The following CTNND2 variants were observed in gnomAD, a reference collection of about 807,000 sequenced individuals.
The protein encoded by CTNND2 is catenin delta-2.
CTNND2 carries 22 observed loss-of-function variants against 144.4 expected under a neutral mutation model. The ratio of observed to expected loss-of-function variants is 0.15; its 90% CI spans 0.11 to 0.22. The LOEUF is 0.22. Ranked by LOEUF, CTNND2 falls within the 10% of genes least tolerant of loss-of-function variation. The probability of loss-of-function intolerance (pLI) is 1.00; values close to 1 mark genes in which losing one functional copy is unlikely to be tolerated. For missense variants in CTNND2, 1,353 were observed against 1,618.8 expected, an observed-to-expected ratio of 0.84 and a Z score of 2.82; for synonymous variants, 751 against 695.6, an observed-to-expected ratio of 1.08 and a Z score of -1.25.
chr5:11,359,788 G>A (rs759309298), intron 8 of CTNND2, among the ~76,000 whole-genome samples: 7 of 152,202 alleles, frequency 4.6e-5, no homozygotes, highest in South Asian at 2.1e-4. Flanking sequence ...GCTGGCAGAC[G>A]TAGGTCTGGG....
At chr5:11,221,164 A>G (rs559178414) in intron 10 of CTNND2, among the ~76,000 whole-genome samples, 3 of 152,196 alleles carry the variant, frequency 2.0e-5, no homozygotes, top group African/African-American at 7.2e-5. Flanking sequence ...TGAAACATTT[A>G]AAAAATATTT....
intron 11 of CTNND2, among the ~76,000 whole-genome samples, chr5:11,189,230 C>T (rs1735998377): frequency 6.6e-6 from 1 of 152,176 alleles, no homozygotes; most frequent in South Asian, 2.1e-4. Context: ...GTGCCATGAT[C>T]TTGACCATTA....
At chr5:11,071,660 G>T (rs77711675) in intron 16 of CTNND2, among the ~76,000 whole-genome samples, 2 of 151,998 alleles carry the variant, frequency 1.3e-5, no homozygotes, top group Admixed American at 6.5e-5. Flanking sequence ...ACCTTGCAAA[G>T]GTAAGCGTGG....
At chr5:11,552,174 C>A (rs1188221995) in intron 3 of CTNND2, among the ~76,000 whole-genome samples, 2 of 152,192 alleles carry the variant, frequency 1.3e-5, no homozygotes, top group African/African-American at 4.8e-5. Flanking sequence ...GGGAATACTA[C>A]ATAAGCATAT....
chr5:11,367,481 A>G (rs997969768), intron 7 of CTNND2, among the ~76,000 whole-genome samples: 2 of 152,224 alleles, frequency 1.3e-5, no homozygotes. Context: ...TAGATGGTGT[A>G]TATATTTGCT....
chr5:11,285,760 T>A (rs1561152984), intron 9 of CTNND2, among the ~76,000 whole-genome samples: 1 of 139,246 alleles, frequency 7.2e-6, no homozygotes, highest in South Asian at 2.3e-4. Context: ...CTTTAGCTCC[T>A]ATAAGCCCAG....
intron 2 of CTNND2, among the ~76,000 whole-genome samples, chr5:11,680,786 T>A (rs1317420141): frequency 6.6e-6 from 1 of 152,056 alleles, no homozygotes; most frequent in East Asian, 1.9e-4. Flanking sequence ...AGACATGTCA[T>A]GGACAACAAA....
chr5:11,401,935 T>C (rs897492129), intron 5 of CTNND2, among the ~76,000 whole-genome samples: 1 of 152,240 alleles, frequency 6.6e-6, no homozygotes, highest in Non-Finnish European at 1.5e-5. Flanking sequence ...GTTATTATTA[T>C]CTGATTATCT....
chr5:11,175,402 G>A (rs1453267713), intron 11 of CTNND2, among the ~76,000 whole-genome samples: 1 of 152,098 alleles, frequency 6.6e-6, no homozygotes, highest in Non-Finnish European at 1.5e-5. Flanking sequence ...ACAAGCTCTT[G>A]TTTATCGCTC....
chr5:11,019,825 C>G (rs770155908), intron 17 of CTNND2, among the ~76,000 whole-genome samples: 1 of 152,110 alleles, frequency 6.6e-6, no homozygotes, highest in Non-Finnish European at 1.5e-5. Flanking sequence ...AATATAGTGA[C>G]ACATTCAACA....
intron 3 of CTNND2, among the ~76,000 whole-genome samples, chr5:11,526,635 A>C (rs142658343): frequency 6.6e-6 from 1 of 152,304 alleles, no homozygotes. Flanking sequence ...ATTAACACTT[A>C]ATCCTCAGAA....
chr5:11,289,438 C>T (rs1748086729), intron 9 of CTNND2, among the ~76,000 whole-genome samples: 1 of 152,114 alleles, frequency 6.6e-6, no homozygotes, highest in Admixed American at 6.6e-5. Flanking sequence ...TTGGATTTGG[C>T]CAAAAGAACA....
At chr5:11,243,686 T>C (rs1476052316) in intron 9 of CTNND2, among the ~76,000 whole-genome samples, 1 of 152,224 alleles carries the variant, frequency 6.6e-6, no homozygotes, top group Non-Finnish European at 1.5e-5. Context: ...ACATGGGCTA[T>C]CTGAGTTGTT....
At chr5:11,476,504 C>A (rs1767753861) in intron 3 of CTNND2, among the ~76,000 whole-genome samples, 1 of 152,142 alleles carries the variant, frequency 6.6e-6, no homozygotes, top group Non-Finnish European at 1.5e-5. Context: ...AAAGTAAACA[C>A]AAACCTGGCT....
At chr5:11,316,468 T>TTTATTATTA (rs57708081) in intron 9 of CTNND2, among the ~76,000 whole-genome samples, 113 of 73,396 alleles carry the variant, frequency 1.5e-3, no homozygotes, top group African/African-American at 3.3e-3. Flanking sequence ...TCCACTATTT[T>TTTATTATTA]TTATTATTAT....
intron 6 of CTNND2, among the ~76,000 whole-genome samples, chr5:11,392,821 T>C (rs1186035927): frequency 6.6e-6 from 1 of 152,102 alleles, no homozygotes; most frequent in Non-Finnish European, 1.5e-5. Flanking sequence ...CTGCAATTTT[T>C]GTGTTTTCCA....
chr5:11,486,398 T>C (rs1768835391), intron 3 of CTNND2, among the ~76,000 whole-genome samples: 1 of 152,228 alleles, frequency 6.6e-6, no homozygotes, highest in Non-Finnish European at 1.5e-5. Flanking sequence ...GCATGGGGCC[T>C]GGATGGGATA....
chr5:11,010,330 G>GCAA (rs1271429975), intron 18 of CTNND2, among the ~76,000 whole-genome samples: 1 of 152,120 alleles, frequency 6.6e-6, no homozygotes, highest in Non-Finnish European at 1.5e-5. Flanking sequence ...TCTCAAAATG[G>GCAA]CAACATATTG....
chr5:11,524,236 A>G (rs1276502262), intron 3 of CTNND2, among the ~76,000 whole-genome samples: 1 of 152,070 alleles, frequency 6.6e-6, no homozygotes, highest in Non-Finnish European at 1.5e-5. Context: ...CTTTGCAGAC[A>G]CTCAAGACAG....
Sources: gnomAD v4.1 joint callset for allele counts (sites outside exome capture counted in the v4.1 genomes callset) on GRCh38, gnomAD v4.1.1 for gene constraint, MANE v1.5 for transcripts, NCBI Gene and HGNC (gene_info 2026-07-23, HGNC 2026-07-21) for gene names.